FBXO17: variants seen among roughly 807,000 people sequenced by gnomAD.
FBXO17 encodes the protein F-box protein 17.
In FBXO17, 43 loss-of-function variants were observed where a neutral mutation model predicts 34.1. That is an observed-to-expected ratio of 1.26 (90% confidence interval 0.99 to 1.62). FBXO17 has a LOEUF of 1.62. Ranked by LOEUF, FBXO17 falls within the 40% of genes most tolerant of loss-of-function variation. FBXO17 has a pLI of 0.00. For synonymous variants in FBXO17, 169 were observed against 166.0 expected, an observed-to-expected ratio of 1.02 and a Z score of -0.14; for missense variants, 424 against 386.7, an observed-to-expected ratio of 1.10 and a Z score of -0.81.
At chr19:38,968,196 G>A (rs1415201901) in intron 1 of FBXO17, among the ~76,000 whole-genome samples, 1 of 152,048 alleles carries the variant, frequency 6.6e-6, no homozygotes, top group Admixed American at 6.6e-5. Context: ...GTAGGCGCCT[G>A]TAATCCCAGA....
At chr19:38,969,191 G>A (rs373920822) in intron 1 of FBXO17, among the ~76,000 whole-genome samples, 1 of 152,122 alleles carries the variant, frequency 6.6e-6, no homozygotes, top group East Asian at 1.9e-4. Flanking sequence ...GCTCACACCT[G>A]TAATCCCAGC....
At position 38,975,612 on chromosome 19, in the gene FBXO17, G is replaced by A. The variant is rs1806394146; in HGVS notation, c.-44C>T. ...TGGCGGGCTGCTCGGAGGCGGCAGCGGCGGGCTAAGCTTCCCTTTCCCACT... is the reference window on the plus strand; with the variant it reads ...TGGCGGGCTGCTCGGAGGCGGCAGCAGCGGGCTAAGCTTCCCTTTCCCACT... On this transcript the variant is annotated 5_prime_UTR_variant, in exon 1 of 6. Transcript: ENST00000292852. This position sits in a 1 kb window ranked among gnomAD's most constrained non-coding sequence, Gnocchi z 4.9. 1 of 152,490 alleles carries A rather than the reference G, an allele frequency of 6.6e-6. No homozygotes were observed. The highest frequency in any genetic ancestry group is 1.9e-4 in the East Asian group (1 of 5,190). 9.4% of individuals were successfully genotyped at this position (152,490 alleles called of 1,614,324 possible).
At chr19:38,950,423 T>A in intron 1 of FBXO17, 87 bp from the exon 2 acceptor site, 1 of 1,376,540 alleles carries the variant, frequency 7.3e-7, no homozygotes, top group Non-Finnish European at 9.3e-7. Context: ...AGGCCCCTGC[T>A]GCTCGAGAGA....
chr19:38,963,848 A>G (rs1975286412), intron 1 of FBXO17, among the ~76,000 whole-genome samples: 2 of 151,660 alleles, frequency 1.3e-5, no homozygotes, highest in African/African-American at 2.4e-5. Context: ...CAGTGGTGCA[A>G]TCTCGGCTCA....
At chr19:38,957,440 G>C (rs537172079) in intron 1 of FBXO17, among the ~76,000 whole-genome samples, 1 of 151,960 alleles carries the variant, frequency 6.6e-6, no homozygotes, top group African/African-American at 2.4e-5. Flanking sequence ...TCCGCCTCCC[G>C]GGTTCAAGCG....
chr19:38,962,023 T>C lies in FBXO17; in HGVS notation c.-17-11687A>G, dbSNP rs1470279988. 4.0e-5 allele frequency among the ~76,000 whole-genome samples: 6 copies of C among 150,564 alleles called. No homozygotes were observed. The East Asian group carries it at 1.2e-3, about 29-fold the overall frequency. On this transcript the variant is annotated intron_variant, in intron 1 of 5. Coordinates refer to ENST00000292852, the MANE Select transcript of FBXO17 (RefSeq NM_024907.7). ...ATAATTTCACGTAAATGGAATCATA[T>C]AGAGTGTCGGCTATCAACCTACGAC...
chr19:38,956,850 G>A (rs1975173669), intron 1 of FBXO17, among the ~76,000 whole-genome samples: 1 of 151,758 alleles, frequency 6.6e-6, no homozygotes, highest in African/African-American at 2.4e-5. Context: ...ACTGCACACA[G>A]CGAGACTCTG....
chr19:38,942,755 C>A lies in FBXO17; in HGVS notation c.694-4G>T, dbSNP rs1456155400. The A allele has an allele frequency of 6.2e-7, 1 of 1,602,462 alleles. No homozygotes were observed. Among genetic ancestry groups the A allele is most frequent in the Non-Finnish European group, 8.5e-7 (1 of 1,175,378 alleles). On this transcript the variant is annotated splice_polypyrimidine_tract_variant and splice_region_variant and intron_variant, in intron 5 of 5. Transcript: ENST00000292852. ...AGTTGGTGAAGACGTGGGAGACCTG[C>A]AGGGGGAAGGGGAGTGAGAGGGTGA...
At chr19:38,949,927 G>T in intron 2 of FBXO17, 44 bp downstream of exon 2, 2 of 1,377,390 alleles carry the variant, frequency 1.5e-6, no homozygotes, top group Non-Finnish European at 1.9e-6. Flanking sequence ...CGCCTCGCTC[G>T]CGCGGCCCCC....
chr19:38,958,174 G>A (rs1171532476), intron 1 of FBXO17, among the ~76,000 whole-genome samples: 2 of 151,560 alleles, frequency 1.3e-5, no homozygotes, highest in Non-Finnish European at 2.9e-5. Flanking sequence ...CACTTTGGGA[G>A]ACCAAGGTGG....
chr19:38,956,619 GC>G (rs1975170735), intron 1 of FBXO17, among the ~76,000 whole-genome samples: 1 of 152,066 alleles, frequency 6.6e-6, no homozygotes, highest in African/African-American at 2.4e-5. Flanking sequence ...AGTGGCTCAT[GC>G]CTGTAATCCC....
chr19:38,964,962 C>A (rs1307064566), intron 1 of FBXO17, among the ~76,000 whole-genome samples: 3 of 151,942 alleles, frequency 2.0e-5, no homozygotes, highest in Non-Finnish European at 4.4e-5. Context: ...CCAACTTGAC[C>A]AAGAGGCCAG....
chr19:38,975,526 G>A lies in FBXO17; in HGVS notation c.-18+60C>T, dbSNP rs1975449916. ...CCTTCCCGGGGCGCCCCAGCTGTGG[G>A]CGAGAACGGGACTGACGCTTGGGTC... On this transcript the variant is annotated intron_variant, in intron 1 of 5. Coordinates refer to ENST00000292852, the MANE Select transcript of FBXO17 (RefSeq NM_024907.7). This position sits in a 1 kb window ranked among gnomAD's most constrained non-coding sequence, Gnocchi z 4.9. The A allele has an allele frequency of 6.6e-6, 1 of 152,146 alleles. No homozygotes were observed. Among genetic ancestry groups the A allele is most frequent in the Admixed American group, 6.5e-5 (1 of 15,276 alleles). The allele number at this position is 152,146 out of a possible 1,614,324, so 9.4% of individuals were successfully genotyped here.
chr19:38,957,221 A>AAAAT (rs962688375), intron 1 of FBXO17, among the ~76,000 whole-genome samples: 2 of 152,184 alleles, frequency 1.3e-5, no homozygotes, highest in South Asian at 4.1e-4. Flanking sequence ...CTCTGTCTCA[A>AAAAT]AAATAAATAA....
At chr19:38,973,976 T>C (rs968134824) in intron 1 of FBXO17, among the ~76,000 whole-genome samples, 1 of 111,824 alleles carries the variant, frequency 8.9e-6, no homozygotes, top group Non-Finnish European at 1.9e-5. Context: ...CAGTTTTGAT[T>C]TGATTTGATT....
At chr19:38,955,855 C>A (rs775384951) in intron 1 of FBXO17, among the ~76,000 whole-genome samples, 2 of 152,114 alleles carry the variant, frequency 1.3e-5, no homozygotes, top group Admixed American at 6.6e-5. Flanking sequence ...CTCAGTTTCC[C>A]TTTCTGAAAA....
chr19:38,946,354 A>C (rs769563275), intron 4 of FBXO17, 118 bp downstream of exon 4: 11 of 1,490,312 alleles, frequency 7.4e-6, no homozygotes, highest in Non-Finnish European at 8.1e-6. Context: ...CCTCATCACA[A>C]AGGGTGCACA....
rs578030018 is a variant in FBXO17 at position 38,969,709 on chromosome 19, G to C, written c.-18+5877C>G. Among the ~76,000 whole-genome samples, 15 of 149,050 alleles carry C rather than the reference G, an allele frequency of 1.0e-4. No individual in the cohort carries two copies. In the East Asian group the frequency reaches 3.1e-3, roughly 30 times the overall value. On this transcript the variant is annotated intron_variant, in intron 1 of 5. Transcript: ENST00000292852. ...CCTTCTGGGTTCAAGTGATTCTTGT[G>C]CCTCAGACTCCCAGGTAGCTGGGAT...
intron 1 of FBXO17, chr19:38,952,519 G>T (rs1975099475): frequency 3.9e-5 from 21 of 533,882 alleles, no homozygotes; most frequent in South Asian, 2.9e-4. Context: ...GCTACTTCCT[G>T]ACCATTCTCC....
Sources: gnomAD v4.1 joint callset for allele counts (sites outside exome capture counted in the v4.1 genomes callset) on GRCh38, gnomAD v4.1.1 for gene constraint, Gnocchi (gnomAD v3.1) non-coding constraint, MANE v1.5 for transcripts, NCBI Gene and HGNC (gene_info 2026-07-23, HGNC 2026-07-21) for gene names.